The following PXDNL variants were observed in gnomAD, a reference collection of about 807,000 sequenced individuals.
PXDNL encodes the protein peroxidasin like.
Under a neutral mutation model 150.8 loss-of-function variants are expected in PXDNL, and 145 were observed. That is an observed-to-expected ratio of 0.96 (90% CI 0.84 to 1.10). PXDNL has a LOEUF of 1.10. Among genes scored for constraint, PXDNL ranks in the 50% least tolerant of loss-of-function variants. PXDNL has a pLI of 0.00. For missense variants in PXDNL, 2,087 were observed against 1,873.9 expected, an observed-to-expected ratio of 1.11 and a Z score of -2.10; for synonymous variants, 757 against 725.7, an observed-to-expected ratio of 1.04 and a Z score of -0.69.
intron 21 of PXDNL, among the ~76,000 whole-genome samples, chr8:51,334,953 TTAACTGTTTCACTTTCTA>T (rs938105841): frequency 6.6e-6 from 1 of 152,204 alleles, no homozygotes. Flanking sequence ...CTATTTAATC[TTAACTGTTTCACTTTCTA>T]TAATTGTTAT....
At chr8:51,601,942 G>C (rs368085625) in intron 2 of PXDNL, among the ~76,000 whole-genome samples, 1 of 151,860 alleles carries the variant, frequency 6.6e-6, no homozygotes, top group Non-Finnish European at 1.5e-5. Flanking sequence ...CTTAGCACTT[G>C]CTTGTCTGGA....
chr8:51,781,982 C>T (rs1273039826), intron 1 of PXDNL, among the ~76,000 whole-genome samples: 2 of 152,316 alleles, frequency 1.3e-5, no homozygotes, highest in South Asian at 2.1e-4. Flanking sequence ...CTCCTCACCA[C>T]ATGTGTTCAA....
At chr8:51,777,031 C>T (rs150965753) in intron 1 of PXDNL, among the ~76,000 whole-genome samples, 10 of 152,236 alleles carry the variant, frequency 6.6e-5, no homozygotes, top group African/African-American at 2.4e-4. Context: ...CCAATATTTT[C>T]ATATTAAAGT....
intron 1 of PXDNL, among the ~76,000 whole-genome samples, chr8:51,788,586 A>G (rs1207834996): frequency 6.6e-6 from 1 of 152,192 alleles, no homozygotes; most frequent in Admixed American, 6.5e-5. Context: ...TCTTTGTAGT[A>G]GGGAGTCTGG....
At chr8:51,487,416 G>A (rs1394285941) in intron 5 of PXDNL, among the ~76,000 whole-genome samples, 1 of 151,718 alleles carries the variant, frequency 6.6e-6, no homozygotes, top group Non-Finnish European at 1.5e-5. Context: ...AGAAAACTTC[G>A]TGAAATGGCC....
chr8:51,388,341 A>T (rs1197844816), intron 17 of PXDNL, among the ~76,000 whole-genome samples: 5 of 152,158 alleles, frequency 3.3e-5, no homozygotes, highest in Non-Finnish European at 5.9e-5. Flanking sequence ...CAGTTTGGGA[A>T]TATATTAATC....
chr8:51,524,199 T>C (rs1811719972), intron 4 of PXDNL, among the ~76,000 whole-genome samples: 1 of 152,208 alleles, frequency 6.6e-6, no homozygotes, highest in Admixed American at 6.5e-5. Flanking sequence ...CATTGTTACA[T>C]ACGCTCCCTA....
chr8:51,715,713 G>C (rs1274178673), intron 1 of PXDNL, among the ~76,000 whole-genome samples: 1 of 152,132 alleles, frequency 6.6e-6, no homozygotes. Context: ...AATATAGGGC[G>C]GGGTTTCTTG....
At chr8:51,396,547 G>A (rs950411691) in intron 17 of PXDNL, among the ~76,000 whole-genome samples, 13 of 152,070 alleles carry the variant, frequency 8.5e-5, no homozygotes, top group Non-Finnish European at 2.9e-5. Flanking sequence ...ACCTGAGGTC[G>A]GGAGTTCCAG....
At chr8:51,553,488 C>A (rs949071499) in intron 4 of PXDNL, among the ~76,000 whole-genome samples, 1 of 152,168 alleles carries the variant, frequency 6.6e-6, no homozygotes, top group African/African-American at 2.4e-5. Flanking sequence ...ACTACGGACT[C>A]TGTAAGTAAG....
intron 2 of PXDNL, among the ~76,000 whole-genome samples, chr8:51,644,260 C>CTTT (rs979941045): frequency 7.7e-5 from 11 of 142,298 alleles, no homozygotes; most frequent in African/African-American, 2.7e-4. Context: ...ATGCCAGTCT[C>CTTT]TAATAGTCTG....
At chr8:51,416,534 G>C (rs1375475216) in intron 14 of PXDNL, among the ~76,000 whole-genome samples, 1 of 152,186 alleles carries the variant, frequency 6.6e-6, no homozygotes, top group Non-Finnish European at 1.5e-5. Flanking sequence ...GGGCTGATGT[G>C]TTTATCAGAT....
chr8:51,322,998 T>G (rs1159759119), intron 21 of PXDNL, among the ~76,000 whole-genome samples: 1 of 152,160 alleles, frequency 6.6e-6, no homozygotes, highest in African/African-American at 2.4e-5. Context: ...AATATTACAA[T>G]GCAGGCTTGA....
At chr8:51,589,565 T>C (rs79486821) in intron 3 of PXDNL, among the ~76,000 whole-genome samples, 623 of 152,258 alleles carry the variant, frequency 4.1e-3, no homozygotes, top group Non-Finnish European at 7.5e-3. Context: ...GAACAAGTTA[T>C]TGGAAGCTGG....
At chr8:51,365,488 T>G (rs1243325633) in intron 19 of PXDNL, among the ~76,000 whole-genome samples, 1 of 152,198 alleles carries the variant, frequency 6.6e-6, no homozygotes, top group Non-Finnish European at 1.5e-5. Flanking sequence ...TTTGGTTGGT[T>G]TGGTTTATGG....
chr8:51,456,903 T>C (rs1260903938), intron 9 of PXDNL, among the ~76,000 whole-genome samples: 1 of 152,226 alleles, frequency 6.6e-6, no homozygotes, highest in Admixed American at 6.5e-5. Context: ...TCCTTACACA[T>C]CATAAAACTT....
At chr8:51,380,866 GT>G (rs1371725452) in intron 17 of PXDNL, among the ~76,000 whole-genome samples, 2 of 152,060 alleles carry the variant, frequency 1.3e-5, no homozygotes, top group Admixed American at 6.6e-5. Flanking sequence ...TACATGGAAT[GT>G]TTTTTTCTGC....
At chr8:51,510,484 T>C (rs947277832) in intron 4 of PXDNL, among the ~76,000 whole-genome samples, 3 of 152,086 alleles carry the variant, frequency 2.0e-5, no homozygotes, top group African/African-American at 4.8e-5. Context: ...AATAAAGAAA[T>C]AGACACTGAG....
chr8:51,651,199 G>T (rs1418256101), intron 2 of PXDNL, among the ~76,000 whole-genome samples: 2 of 152,124 alleles, frequency 1.3e-5, no homozygotes, highest in Admixed American at 1.3e-4. Context: ...AACTGCACCT[G>T]TATCTATATA....
Sources: gnomAD v4.1 joint callset for allele counts (sites outside exome capture counted in the v4.1 genomes callset) on GRCh38, gnomAD v4.1.1 for gene constraint, MANE v1.5 for transcripts, NCBI Gene and HGNC (gene_info 2026-07-23, HGNC 2026-07-21) for gene names.